Variants in GCM1 observed in about 807,000 individuals in gnomAD.
The protein encoded by GCM1 is chorion-specific transcription factor GCMa.
Under a neutral mutation model 25.7 loss-of-function variants are expected in GCM1, and 2 were observed. The observed-to-expected ratio is 0.08, with a 90% confidence interval of 0.03 to 0.24. GCM1 has a LOEUF of 0.24. GCM1 is among the 10% of genes least tolerant of loss of function. The probability of loss-of-function intolerance (pLI) is 1.00; values close to 1 mark genes in which losing one functional copy is unlikely to be tolerated. For missense variants in GCM1, 395 were observed against 538.7 expected, an observed-to-expected ratio of 0.73 and a Z score of 2.64; for synonymous variants, 183 against 195.7, an observed-to-expected ratio of 0.94 and a Z score of 0.54.
chr6:53,139,753 C>T (rs1044057751), intron 2 of GCM1, among the ~76,000 whole-genome samples: 9 of 151,966 alleles, frequency 5.9e-5, no homozygotes, highest in South Asian at 4.2e-4. Context: ...CCCAGCTACA[C>T]GGGAGGCTGA....
At chr6:53,132,979 C>T (rs902898107) in intron 3 of GCM1, among the ~76,000 whole-genome samples, 2 of 152,160 alleles carry the variant, frequency 1.3e-5, no homozygotes, top group East Asian at 1.9e-4. Flanking sequence ...ACAAATATCT[C>T]AGCACGTGAT....
At chr6:53,145,421 G>A in intron 2 of GCM1, 137 bp downstream of exon 2, 2 of 676,608 alleles carry the variant, frequency 3.0e-6, no homozygotes, top group South Asian at 1.6e-5. Flanking sequence ...CCCTCAGTCG[G>A]CTGTCTAGCT....
In GCM1 at chr6:53,133,383, G is replaced by T. The variant is rs146998113; in HGVS notation, c.328+689C>A. ...TGTTTGTGTGTTTTAGTAGAGATGG[G>T]TCTTCACCATATTGGGCAGGCTGGT... On this transcript the variant is annotated intron_variant, in intron 3 of 5. Coordinates refer to ENST00000259803, the MANE Select transcript of GCM1 (RefSeq NM_003643.4). Among the ~76,000 whole-genome samples the T allele has an allele frequency of 1.6e-3, 250 of 151,976 alleles. 3 individuals carry two copies. Among genetic ancestry groups the T allele is most frequent in the African/African-American group, 5.7e-3 (236 of 41,454 alleles).
chr6:53,141,411 G>A (rs1017304945), intron 2 of GCM1, among the ~76,000 whole-genome samples: 2 of 152,200 alleles, frequency 1.3e-5, no homozygotes, highest in Non-Finnish European at 2.9e-5. Flanking sequence ...TGAAGGGCCG[G>A]GTGCGGTGGC....
intron 5 of GCM1, among the ~76,000 whole-genome samples, chr6:53,130,544 G>A (rs914643788): frequency 1.3e-5 from 2 of 152,184 alleles, no homozygotes; most frequent in Non-Finnish European, 2.9e-5. Context: ...GCTAATTCAA[G>A]TTTCTCTTTG....
At position 53,135,236 on chromosome 6, in the gene GCM1, C is replaced by T. The variant is rs566312709; in HGVS notation, c.76-912G>A. Among the ~76,000 whole-genome samples, 8 of 152,204 alleles carry T rather than the reference C, an allele frequency of 5.3e-5. No individual in the cohort carries two copies. The South Asian group carries it at 1.7e-3, about 32-fold the overall frequency. Reference sequence around the variant, plus strand: ...TGCACAACAGTGTACATATAGTTACCACGACTGTACTATGCACTTAAACAT... The same window carrying T: ...TGCACAACAGTGTACATATAGTTACTACGACTGTACTATGCACTTAAACAT... On this transcript the variant is annotated intron_variant, in intron 2 of 5. Transcript: ENST00000259803.
intron 2 of GCM1, among the ~76,000 whole-genome samples, chr6:53,143,894 T>C (rs189693362): frequency 3.2e-3 from 492 of 152,136 alleles, no homozygotes; most frequent in East Asian, 5.2e-3. Flanking sequence ...CAAAAGGAAG[T>C]CTTCGTTAGA....
chr6:53,146,691 A>G (rs1280124423), intron 1 of GCM1, among the ~76,000 whole-genome samples: 3 of 152,142 alleles, frequency 2.0e-5, no homozygotes, highest in African/African-American at 7.2e-5. Flanking sequence ...TGGACCAGAT[A>G]ATTCTTTGTT....
rs759307890 is a variant in GCM1 at position 53,128,232 on chromosome 6, G to A, written c.1285C>T (p.Leu429Phe). The A allele has an allele frequency of 7.5e-6, 12 of 1,609,484 alleles. No individual in the cohort carries two copies. Among genetic ancestry groups the A allele is most frequent in the Admixed American group, 1.7e-5 (1 of 59,984 alleles). Residue 429 changes from leucine (L) to phenylalanine (F), a missense_variant, in exon 6 of 6, where the codon CTT (leucine) becomes TTT (phenylalanine). By Grantham distance (22) the Leu-to-Phe change is conservative. This residue lies in a region of GCM1 where 291 missense variants were observed against 314.6 expected (regional missense o/e 0.92). Coordinates refer to ENST00000259803, the MANE Select transcript of GCM1 (RefSeq NM_003643.4). ...CATCTCAAAGGACACAGGTTCAGAA[G>A]CATATCATTGTTGCAGTGATCCAAA... ...LGLDHCNNDM[L>F]LNLCPLR
rs770122746 is a variant in GCM1 at position 53,128,590 on chromosome 6, A to C, written c.927T>G (p.Ala309=). 6.2e-6 allele frequency: 10 copies of C among 1,614,186 alleles called. No homozygotes were observed. Among genetic ancestry groups the C allele is most frequent in the African/African-American group, 1.3e-5 (1 of 75,058 alleles). The change falls in exon 6 of 6, where the codon GCT becomes GCG. Residue 309 remains alanine (A), a synonymous_variant. Transcript: ENST00000259803. ...KNAALGRNHL[A]DNCYSNYPFP... ...AAGGATAATTGGAATAACAGTTGTC[A>C]GCAAGATGATTTCTCCCCAAAGCAG...
At chr6:53,133,513 A>G (rs750646910) in intron 3 of GCM1, among the ~76,000 whole-genome samples, 3 of 148,480 alleles carry the variant, frequency 2.0e-5, no homozygotes, top group Non-Finnish European at 4.5e-5. Flanking sequence ...CTTTTTGGAG[A>G]TAGGATCTCA....
In GCM1 at chr6:53,128,629, C is replaced by T. The variant is rs763875998; in HGVS notation, c.888G>A (p.Ala296=). 20 of 1,613,832 alleles carry T rather than the reference C, an allele frequency of 1.2e-5. No homozygotes were observed. The highest frequency in any genetic ancestry group is 3.3e-4 in the Middle Eastern group (2 of 6,082). ...TCCCCAAAGCAGCATTTTTACTCCA[C>T]GCTTGTAGATCGCCATGATCAGAGT... The part of the protein sequence containing the change: ...GVYSDHGDLQ[A]WSKNAALGRN... The change falls in exon 6 of 6, where the codon GCG becomes GCA. Residue 296 remains alanine (A), a synonymous_variant. Transcript: ENST00000259803.
At chr6:53,133,919 G>A (rs557625380) in intron 3 of GCM1, among the ~76,000 whole-genome samples, 153 bp downstream of exon 3, 1 of 152,252 alleles carries the variant, frequency 6.6e-6, no homozygotes, top group East Asian at 1.9e-4. Flanking sequence ...GGTTGGTTCC[G>A]CTCCATATGC....
At chr6:53,135,329 G>C (rs944728766) in intron 2 of GCM1, among the ~76,000 whole-genome samples, 1 of 152,096 alleles carries the variant, frequency 6.6e-6, no homozygotes, top group African/African-American at 2.4e-5. Context: ...AAAGGCCAGG[G>C]ACACCAGACA....
At chr6:53,136,379 G>T (rs1438176883) in intron 2 of GCM1, among the ~76,000 whole-genome samples, 2 of 152,314 alleles carry the variant, frequency 1.3e-5, no homozygotes, top group East Asian at 3.9e-4. Context: ...TGTCTTTCTG[G>T]ATATGAGTCT....
chr6:53,147,901 A>C (rs1404334836), intron 1 of GCM1, among the ~76,000 whole-genome samples: 1 of 152,168 alleles, frequency 6.6e-6, no homozygotes, highest in South Asian at 2.1e-4. Flanking sequence ...GTAACAAACT[A>C]TAGAAATGAT....
chr6:53,142,360 AG>A (rs1763888001), intron 2 of GCM1, among the ~76,000 whole-genome samples: 1 of 152,140 alleles, frequency 6.6e-6, no homozygotes, highest in African/African-American at 2.4e-5. Flanking sequence ...GTCAAAAATA[AG>A]TTGGGGTAAT....
chr6:53,141,934 T>C (rs9474400), intron 2 of GCM1, among the ~76,000 whole-genome samples: 24,088 of 134,680 alleles, frequency 0.18, 2,416 homozygotes, highest in African/African-American at 0.3. Context: ...AGCCCGGGAA[T>C]TCAAGGCTGT....
At chr6:53,134,036 C>T (rs2816345) in intron 3 of GCM1, 36 bp downstream of exon 3, 1,189,509 of 1,596,416 alleles carry the variant, frequency 0.75, 444,819 homozygotes, top group Admixed American at 0.79. Flanking sequence ...CTGAGGGATG[C>T]CAGCTTTTTT....
Sources: allele counts gnomAD v4.1 joint callset (sites outside exome capture counted in the v4.1 genomes callset), GRCh38; gene constraint gnomAD v4.1.1; regional missense constraint gnomAD v4.1.1; transcripts MANE v1.5; gene names NCBI Gene and HGNC (gene_info 2026-07-23, HGNC 2026-07-21).